The following GOLM1 variants were observed in gnomAD, a reference collection of about 807,000 sequenced individuals.
GOLM1 encodes the protein epididymis luminal protein 46.
A neutral mutation model predicts 50.5 loss-of-function variants in GOLM1; 31 were observed. That is an observed-to-expected ratio of 0.61 (90% CI 0.46 to 0.83). The LOEUF (loss-of-function observed/expected upper bound fraction) is 0.83. Among genes scored for constraint, GOLM1 ranks in the 40% least tolerant of loss-of-function variants. GOLM1 has a pLI of 0.00. For synonymous variants in GOLM1, 178 were observed against 192.8 expected (o/e 0.92, Z 0.64); for missense variants, 491 against 501.3 (o/e 0.98, Z 0.20).
At chr9:86,099,196 C>T (rs1227850261) in intron 1 of GOLM1, among the ~76,000 whole-genome samples, 1 of 151,576 alleles carries the variant, frequency 6.6e-6, no homozygotes, top group Non-Finnish European at 1.5e-5. Flanking sequence ...GGGAGCGAGC[C>T]GAGGGGCCCA....
intron 3 of GOLM1, among the ~76,000 whole-genome samples, chr9:86,067,324 A>C (rs552712385): frequency 4.6e-5 from 7 of 152,252 alleles, no homozygotes; most frequent in African/African-American, 1.4e-4. Context: ...TTACAAGTGA[A>C]TCTCCATTGG....
intron 3 of GOLM1, among the ~76,000 whole-genome samples, chr9:86,053,677 C>CACTCCA (rs1564347591): frequency 2.0e-5 from 3 of 147,924 alleles, no homozygotes; most frequent in African/African-American, 5.0e-5. Context: ...ACACGGCACA[C>CACTCCA]CACTCCACAC....
intron 6 of GOLM1, among the ~76,000 whole-genome samples, chr9:86,039,110 TAACTC>T (rs1833246524): frequency 6.6e-6 from 1 of 152,100 alleles, no homozygotes; most frequent in Non-Finnish European, 1.5e-5. Context: ...ATAATAAAAA[TAACTC>T]AATTAAAAAA....
intron 3 of GOLM1, among the ~76,000 whole-genome samples, chr9:86,056,948 G>T (rs987698519): frequency 1.3e-5 from 2 of 152,198 alleles, no homozygotes; most frequent in Non-Finnish European, 2.9e-5. Flanking sequence ...TTACAGGACT[G>T]AGCCATGGTG....
At chr9:86,068,873 G>A (rs1359447119) in intron 3 of GOLM1, among the ~76,000 whole-genome samples, 1 of 152,150 alleles carries the variant, frequency 6.6e-6, no homozygotes, top group African/African-American at 2.4e-5. Context: ...TCTGCAAACA[G>A]GTATGCAGAG....
At chr9:86,038,047 G>T (rs902801965) in intron 6 of GOLM1, among the ~76,000 whole-genome samples, 1 of 151,892 alleles carries the variant, frequency 6.6e-6, no homozygotes, top group Non-Finnish European at 1.5e-5. Flanking sequence ...CCAGCTACTC[G>T]GGAGGCTGAG....
chr9:86,058,445 A>C (rs752262565), intron 3 of GOLM1, among the ~76,000 whole-genome samples: 1 of 152,150 alleles, frequency 6.6e-6, no homozygotes, highest in East Asian at 1.9e-4. Context: ...GCGGTGGCTC[A>C]TGCCTGTAAT....
rs1554781017 is a variant in GOLM1 at position 86,026,702 on chromosome 9, C to G, written c.*1115G>C. 1.0e-6 allele frequency: 1 copy of G among 982,352 alleles called. No individual in the cohort carries two copies. The highest frequency in any genetic ancestry group is 4.7e-5 in the South Asian group (1 of 21,226). 60.9% of individuals were successfully genotyped at this position (982,352 alleles called of 1,614,324 possible). ...TATTTACCATAAATAATACTAAGAA[C>G]CAACTCAAGTCAAACCTTAATGCCA... On this transcript the variant is annotated 3_prime_UTR_variant, in exon 10 of 10. Transcript: ENST00000388712.
At chr9:86,028,734 C>A (rs141029564) in intron 9 of GOLM1, among the ~76,000 whole-genome samples, 1 of 152,322 alleles carries the variant, frequency 6.6e-6, no homozygotes, top group Non-Finnish European at 1.5e-5. Context: ...GAAACCCATC[C>A]TCCCCACAAC....
At chr9:86,091,549 A>G (rs1190273403) in intron 1 of GOLM1, among the ~76,000 whole-genome samples, 1 of 152,084 alleles carries the variant, frequency 6.6e-6, no homozygotes, top group African/African-American at 2.4e-5. Context: ...TTTGTTATAT[A>G]CTAAATTTTC....
intron 1 of GOLM1, among the ~76,000 whole-genome samples, chr9:86,090,693 A>G (rs1051027539): frequency 2.0e-5 from 3 of 149,206 alleles, no homozygotes; most frequent in African/African-American, 7.4e-5. Context: ...GTGGAATCCA[A>G]TGAGTTAGAC....
rs1337711142 is a variant in GOLM1 at position 86,090,803 on chromosome 9, A to C, written c.-22+8608T>G. 5.9e-5 allele frequency among the ~76,000 whole-genome samples: 9 copies of C among 151,352 alleles called. 1 individual carries two copies. In the South Asian group the frequency reaches 1.0e-3, roughly 18 times the overall value. Reference sequence around the variant, plus strand: ...TGGGGTACCAAAAAAAAAAAAAAAAAAAAAAAAAAAACTCCTGCAGCTAGC... The same window carrying C: ...TGGGGTACCAAAAAAAAAAAAAAAACAAAAAAAAAAACTCCTGCAGCTAGC... On this transcript the variant is annotated intron_variant, in intron 1 of 9. Transcript: ENST00000388712.
chr9:86,045,311 G>A (rs187464348), intron 5 of GOLM1, among the ~76,000 whole-genome samples: 89 of 148,466 alleles, frequency 6.0e-4, no homozygotes, highest in African/African-American at 1.7e-3. Context: ...AGATTGCACC[G>A]CTGCACTCCA....
At chr9:86,089,691 T>C (rs1251942865) in intron 1 of GOLM1, among the ~76,000 whole-genome samples, 4 of 152,174 alleles carry the variant, frequency 2.6e-5, no homozygotes, top group Admixed American at 2.0e-4. Flanking sequence ...CTTCCTTGCA[T>C]TGGGTTAGAA....
At chr9:86,042,429 T>TAC (rs993731096) in intron 5 of GOLM1, among the ~76,000 whole-genome samples, 7 of 151,994 alleles carry the variant, frequency 4.6e-5, no homozygotes, top group Admixed American at 2.6e-4. Context: ...GAGTGAGTAC[T>TAC]ACATCAACCT....
At chr9:86,060,251 G>A (rs1225790181) in intron 3 of GOLM1, among the ~76,000 whole-genome samples, 1 of 152,140 alleles carries the variant, frequency 6.6e-6, no homozygotes, top group Admixed American at 6.5e-5. Flanking sequence ...GGGACAGCAA[G>A]TTCCAGAGGA....
intron 8 of GOLM1, 105 bp from the exon 9 acceptor site, chr9:86,033,500 G>C: frequency 1.4e-6 from 1 of 699,194 alleles, no homozygotes; most frequent in Admixed American, 2.3e-5. Flanking sequence ...CTCACAATCA[G>C]ATCTGTCTGC....
chr9:86,096,815 A>G (rs10868376), intron 1 of GOLM1, among the ~76,000 whole-genome samples: 65,616 of 152,160 alleles, frequency 0.43, 16,066 homozygotes, highest in Non-Finnish European at 0.57. Flanking sequence ...TAGTTTATAA[A>G]TAAGCAACAA....
chr9:86,098,722 A>G (rs1391369732), intron 1 of GOLM1, among the ~76,000 whole-genome samples: 1 of 152,228 alleles, frequency 6.6e-6, no homozygotes, highest in African/African-American at 2.4e-5. Context: ...ATTAAATGGG[A>G]TATGATTTTT....
Sources: gnomAD v4.1 joint callset for allele counts (sites outside exome capture counted in the v4.1 genomes callset) on GRCh38, gnomAD v4.1.1 for gene constraint, MANE v1.5 for transcripts, NCBI Gene and HGNC (gene_info 2026-07-23, HGNC 2026-07-21) for gene names.